KCNN2: variants seen among roughly 807,000 people sequenced by gnomAD.
KCNN2 encodes the protein small conductance calcium-activated potassium channel protein 2.
In KCNN2, 24 loss-of-function variants were observed where a neutral mutation model predicts 55.5. The observed-to-expected ratio is 0.43, with a 90% CI of 0.31 to 0.61. The LOEUF is 0.61. KCNN2 is among the 20% of genes least tolerant of loss of function. The pLI is 0.08. For missense variants in KCNN2, 754 were observed against 853.6 expected (o/e 0.88, Z 1.45); for synonymous variants, 431 against 336.1 (o/e 1.28, Z -3.09).
chr5:114,323,718 G>A (rs1458735905), intron 2 of KCNN2, among the ~76,000 whole-genome samples: 3 of 134,270 alleles, frequency 2.2e-5, no homozygotes, highest in African/African-American at 5.5e-5. Flanking sequence ...TGCACGGCCT[G>A]ATCTCAGCTC....
At chr5:114,283,387 G>A (rs1431467478) in intron 2 of KCNN2, among the ~76,000 whole-genome samples, 3 of 152,038 alleles carry the variant, frequency 2.0e-5, no homozygotes, top group African/African-American at 7.2e-5. Context: ...TAGTTCATTA[G>A]TTTTTGAATC....
intron 1 of KCNN2, among the ~76,000 whole-genome samples, chr5:114,167,136 G>A (rs921412093): frequency 6.6e-6 from 1 of 152,098 alleles, no homozygotes; most frequent in Admixed American, 6.6e-5. Flanking sequence ...CTCCAGATAT[G>A]TGAGAGAGTG....
intron 2 of KCNN2, among the ~76,000 whole-genome samples, chr5:114,390,631 A>G (rs1758424449): frequency 6.6e-6 from 1 of 152,160 alleles, no homozygotes; most frequent in Non-Finnish European, 1.5e-5. Flanking sequence ...TTCTGCAGTT[A>G]CAGAGCTCAT....
At chr5:114,214,416 G>A (rs964972384) in intron 1 of KCNN2, among the ~76,000 whole-genome samples, 2 of 151,958 alleles carry the variant, frequency 1.3e-5, no homozygotes, top group Admixed American at 6.6e-5. Context: ...TGAACACCTG[G>A]TAATGAAGCT....
At chr5:114,291,906 C>T (rs1227289214) in intron 2 of KCNN2, among the ~76,000 whole-genome samples, 1 of 152,124 alleles carries the variant, frequency 6.6e-6, no homozygotes, top group Non-Finnish European at 1.5e-5. Flanking sequence ...GATGGTATCT[C>T]ATTGTGGTTT....
intron 1 of KCNN2, among the ~76,000 whole-genome samples, chr5:114,143,114 A>G (rs961694582): frequency 6.6e-6 from 1 of 152,126 alleles, no homozygotes; most frequent in Non-Finnish European, 1.5e-5. Context: ...AATGCACTGG[A>G]TATACCAGCA....
chr5:114,222,162 G>A (rs1183204176), intron 2 of KCNN2, among the ~76,000 whole-genome samples: 1 of 152,152 alleles, frequency 6.6e-6, no homozygotes, highest in Non-Finnish European at 1.5e-5. Context: ...AGTTTGCAAG[G>A]TCTCCTGTAG....
At chr5:114,156,352 C>A (rs1221154138) in intron 1 of KCNN2, among the ~76,000 whole-genome samples, 1 of 152,034 alleles carries the variant, frequency 6.6e-6, no homozygotes, top group African/African-American at 2.4e-5. Flanking sequence ...TTGGCCTTGC[C>A]TTGACTATAT....
intron 2 of KCNN2, among the ~76,000 whole-genome samples, chr5:114,304,106 G>A (rs1212110839): frequency 6.6e-6 from 1 of 152,162 alleles, no homozygotes; most frequent in Non-Finnish European, 1.5e-5. Context: ...CTGCCCACTG[G>A]AAGAATTTCC....
At chr5:114,279,453 C>T (rs575795352) in intron 2 of KCNN2, among the ~76,000 whole-genome samples, 2 of 152,178 alleles carry the variant, frequency 1.3e-5, no homozygotes, top group Admixed American at 6.5e-5. Flanking sequence ...CTCCCTGCTC[C>T]CCCCACCCCA....
chr5:114,091,990 A>C (rs931188489), intron 1 of KCNN2, among the ~76,000 whole-genome samples: 4 of 152,126 alleles, frequency 2.6e-5, no homozygotes, highest in African/African-American at 9.7e-5. Context: ...TGTTTCTTTC[A>C]CATTTTAAAA....
Position 114,362,814 on chromosome 5 carries a change from G to C in KCNN2, c.675G>C (p.Pro225=). Residue 225 remains proline, a synonymous_variant, in exon 1 of 8, where the codon CCG becomes CCC. Transcript: ENST00000673685. ...GGTACAACGGGGGCGTCATGCGGCC[G>C]CTCAGCAACTTGAGCGCGTCCCGCC... ...SCRYNGGVMR[P]LSNLSASRRN... 1 of 1,598,216 alleles carries C rather than the reference G, an allele frequency of 6.3e-7. No individual in the cohort carries two copies. The highest frequency in any genetic ancestry group is 1.3e-5 in the African/African-American group (1 of 74,924).
chr5:114,171,095 G>A (rs1308666906), intron 1 of KCNN2, among the ~76,000 whole-genome samples: 1 of 151,762 alleles, frequency 6.6e-6, no homozygotes, highest in African/African-American at 2.4e-5. Flanking sequence ...CCATTCTGAT[G>A]TTCCACTGTT....
chr5:114,359,682 ATATT>A (rs199531482), upstream of KCNN2, among the ~76,000 whole-genome samples: 975 of 152,342 alleles, frequency 6.4e-3, 9 homozygotes, highest in African/African-American at 0.022. Context: ...GCTAATAAAA[ATATT>A]TATTAATTTA....
At chr5:114,059,200 A>G (rs573258894) in intron 1 of KCNN2, among the ~76,000 whole-genome samples, 5 of 152,166 alleles carry the variant, frequency 3.3e-5, no homozygotes, top group Non-Finnish European at 7.3e-5. Context: ...AAGAGAGGAA[A>G]CAAAAGAAAT....
chr5:114,234,837 A>T (rs914961268), intron 2 of KCNN2, among the ~76,000 whole-genome samples: 2 of 152,156 alleles, frequency 1.3e-5, no homozygotes, highest in Non-Finnish European at 2.9e-5. Flanking sequence ...GATCAAAGGG[A>T]ATGGCCTCTT....
At chr5:114,338,682 T>C (rs888493978) in intron 2 of KCNN2, among the ~76,000 whole-genome samples, 3 of 152,150 alleles carry the variant, frequency 2.0e-5, no homozygotes, top group Non-Finnish European at 4.4e-5. Flanking sequence ...GGGTAAAGAA[T>C]AGCACTGCAA....
intron 3 of KCNN2, among the ~76,000 whole-genome samples, chr5:114,434,127 G>T: frequency 6.6e-6 from 1 of 151,706 alleles, no homozygotes. Context: ...TATTAATTGA[G>T]CATAATATAT....
At chr5:114,428,588 C>T (rs1759696477) in intron 3 of KCNN2, among the ~76,000 whole-genome samples, 1 of 152,014 alleles carries the variant, frequency 6.6e-6, no homozygotes, top group Non-Finnish European at 1.5e-5. Context: ...TATTTTAATA[C>T]TAATGTCTTT....
Sources: allele counts gnomAD v4.1 joint callset (sites outside exome capture counted in the v4.1 genomes callset), GRCh38; gene constraint gnomAD v4.1.1; transcripts MANE v1.5; gene names NCBI Gene and HGNC (gene_info 2026-07-23, HGNC 2026-07-21).